NRG2: variants seen among roughly 807,000 people sequenced by gnomAD.
NRG2 encodes the protein neuregulin 2.
Under a neutral mutation model 73.9 loss-of-function variants are expected in NRG2, and 27 were observed. The ratio of observed to expected loss-of-function variants is 0.37; its 90% confidence interval spans 0.27 to 0.50. The LOEUF (loss-of-function observed/expected upper bound fraction) is 0.50, where lower values mean the gene tolerates loss of function less well. Ranked by LOEUF, NRG2 falls within the 20% of genes least tolerant of loss-of-function variation. The pLI, the probability that NRG2 is intolerant of heterozygous loss-of-function variation, is 0.96. For missense variants in NRG2, 1,126 were observed against 1,210.1 expected (o/e 0.93, Z 1.03); for synonymous variants, 532 against 541.0 (o/e 0.98, Z 0.23).
intron 1 of NRG2, among the ~76,000 whole-genome samples, chr5:139,947,734 T>C (rs540332836): frequency 6.6e-6 from 1 of 152,334 alleles, no homozygotes; most frequent in South Asian, 2.1e-4. Flanking sequence ...TCTTTTTTAG[T>C]CTGGCTATCC....
Position 139,876,864 on chromosome 5 carries a change from G to T in NRG2, c.991+3992C>A, listed in dbSNP as rs547284993. On this transcript the variant is annotated intron_variant, in intron 3 of 9. Coordinates refer to ENST00000361474, the MANE Select transcript of NRG2 (RefSeq NM_004883.3). The stretch of plus-strand genomic sequence containing the variant: ...GGGGCCAAGACTGCGACTTCCCAGA[G>T]CTCAGAGCAAGATCTTGTTGAATAA... Among the ~76,000 whole-genome samples the T allele has an allele frequency of 2.0e-5, 3 of 152,048 alleles. No homozygotes were observed. In the South Asian group the frequency reaches 6.2e-4, roughly 32 times the overall value.
intron 1 of NRG2, among the ~76,000 whole-genome samples, chr5:140,019,211 T>C (rs1161252932): frequency 1.3e-5 from 2 of 152,134 alleles, no homozygotes; most frequent in Non-Finnish European, 2.9e-5. Flanking sequence ...CCAAGCAGCA[T>C]TGACCTGAAT....
intron 1 of NRG2, among the ~76,000 whole-genome samples, chr5:139,891,655 A>T (rs1431529181): frequency 1.3e-5 from 2 of 151,436 alleles, no homozygotes. Flanking sequence ...CTGGATAAAG[A>T]CCCTAAGGTG....
chr5:139,904,475 T>C lies in NRG2; in HGVS notation c.701-16964A>G. On this transcript the variant is annotated intron_variant, in intron 1 of 9. Transcript: ENST00000361474. This position sits in a 1 kb window ranked among gnomAD's most constrained non-coding sequence, Gnocchi z 6.0. ...GCGCCCCCGCCGCCTGCAGCCTCAG[T>C]GCCCGAGCGCGGCGCCTTTCTTATA... 1 of 832,050 alleles carries C rather than the reference T, an allele frequency of 1.2e-6. No individual in the cohort carries two copies. Among genetic ancestry groups the C allele is most frequent in the Non-Finnish European group, 1.9e-6 (1 of 538,372 alleles). 51.5% of individuals were successfully genotyped at this position (832,050 alleles called of 1,614,324 possible).
chr5:139,898,453 G>A lies in NRG2; in HGVS notation c.701-10942C>T, dbSNP rs1561664933. Reference sequence around the variant, plus strand: ...GCCTCAGTTTCTCCATCTTTACAGTGAAGGGAGTGAACTATGAGTTCAGAT... The same window carrying A: ...GCCTCAGTTTCTCCATCTTTACAGTAAAGGGAGTGAACTATGAGTTCAGAT... On this transcript the variant is annotated intron_variant, in intron 1 of 9. Transcript: ENST00000361474. Among the ~76,000 whole-genome samples, 4 of 152,216 alleles carry A rather than the reference G, an allele frequency of 2.6e-5. No homozygotes were observed. In the South Asian group the frequency reaches 8.3e-4, roughly 31 times the overall value.
chr5:139,977,361 A>G (rs1756454282), intron 1 of NRG2, among the ~76,000 whole-genome samples: 2 of 152,244 alleles, frequency 1.3e-5, no homozygotes, highest in South Asian at 4.1e-4. Flanking sequence ...AAACAGCCAG[A>G]AAGAATCAAG....
intron 1 of NRG2, among the ~76,000 whole-genome samples, chr5:139,921,129 C>G (rs1215754106): frequency 6.6e-6 from 1 of 152,152 alleles, no homozygotes. Flanking sequence ...ATTCCATGTT[C>G]ATAGACGCAA....
chr5:139,948,077 C>T (rs1207804928), intron 1 of NRG2, among the ~76,000 whole-genome samples: 4 of 152,236 alleles, frequency 2.6e-5, no homozygotes, highest in Admixed American at 6.5e-5. Context: ...ATTTTCTCCT[C>T]CCCCACCCAA....
chr5:139,948,428 A>T (rs1753959260), intron 1 of NRG2, among the ~76,000 whole-genome samples: 1 of 152,114 alleles, frequency 6.6e-6, no homozygotes, highest in Admixed American at 6.5e-5. Flanking sequence ...GGTCCGCTTC[A>T]CATATAATTG....
intron 3 of NRG2, among the ~76,000 whole-genome samples, chr5:139,877,428 C>T (rs946714633): frequency 1.3e-5 from 2 of 152,262 alleles, no homozygotes; most frequent in Non-Finnish European, 2.9e-5. Flanking sequence ...TCCCTGTAGC[C>T]CTGGTTTCCC....
chr5:140,023,981 G>A (rs1430474575), intron 1 of NRG2, among the ~76,000 whole-genome samples: 1 of 152,128 alleles, frequency 6.6e-6, no homozygotes, highest in African/African-American at 2.4e-5. Flanking sequence ...CCAAAAACAG[G>A]AAGGCGCAGG....
intron 1 of NRG2, among the ~76,000 whole-genome samples, chr5:140,002,558 T>C (rs1270716179): frequency 6.6e-6 from 1 of 151,754 alleles, no homozygotes; most frequent in Non-Finnish European, 1.5e-5. Context: ...GTTCAGAAAA[T>C]AACAGTAAGG....
intron 1 of NRG2, among the ~76,000 whole-genome samples, chr5:139,924,990 G>A (rs779510310): frequency 3.0e-4 from 46 of 152,146 alleles, no homozygotes; most frequent in Non-Finnish European, 4.0e-4. Context: ...GGGCCGGCCC[G>A]AGTCTCAGGA....
intron 1 of NRG2, 76 bp downstream of exon 1, chr5:140,042,280 CGGGCACCTGCAGCA>C: frequency 4.8e-6 from 4 of 839,630 alleles, no homozygotes; most frequent in African/African-American, 1.8e-5. Context: ...CTGCCAGGCC[CGGGCACCTGCAGCA>C]CCTCCCCGCC....
At chr5:139,905,631 G>A (rs35569540) in intron 1 of NRG2, among the ~76,000 whole-genome samples, 27,231 of 150,714 alleles carry the variant, frequency 0.18, 2,521 homozygotes, top group Middle Eastern at 0.28. Flanking sequence ...TGATGGCCCC[G>A]CAAAGGGCTG....
intron 5 of NRG2, 44 bp from the exon 6 acceptor site, chr5:139,855,822 C>T (rs1283945845): frequency 4.0e-6 from 6 of 1,484,110 alleles, no homozygotes; most frequent in Non-Finnish European, 5.6e-6. Context: ...AGGAGGCAAA[C>T]CCCATAGGGA....
chr5:139,929,352 C>A lies in NRG2; in HGVS notation c.701-41841G>T, dbSNP rs566487517. On this transcript the variant is annotated intron_variant, in intron 1 of 9. Coordinates refer to ENST00000361474, the MANE Select transcript of NRG2 (RefSeq NM_004883.3). ...GTTGCTTCCCTCCAATGACATTAAG[C>A]GTGTTATACCTTCTACTACAATGAA... 1.3e-3 allele frequency among the ~76,000 whole-genome samples: 204 copies of A among 152,322 alleles called. 1 individual carries two copies. Among genetic ancestry groups the A allele is most frequent in the Middle Eastern group, 6.8e-3 (2 of 294 alleles).
Position 139,847,802 on chromosome 5 carries a change from T to G in NRG2, c.*115A>C. 1.4e-6 allele frequency: 1 copy of G among 729,316 alleles called. No individual in the cohort carries two copies. The highest frequency in any genetic ancestry group is 1.9e-6 in the Non-Finnish European group (1 of 519,506). 45.2% of individuals were successfully genotyped at this position (729,316 alleles called of 1,614,324 possible). A position where few individuals can be genotyped will look rare whatever the true frequency, so the allele number is the denominator to read the frequency against. On this transcript the variant is annotated 3_prime_UTR_variant, in exon 10 of 10. Transcript: ENST00000361474. ...AACATTTTGTTATACTTTTTTCCTT[T>G]TATAGAAAATAAAAATATTTTTATT...
intron 1 of NRG2, among the ~76,000 whole-genome samples, chr5:139,968,368 G>A (rs1241084695): frequency 6.6e-6 from 1 of 152,340 alleles, no homozygotes; most frequent in Middle Eastern, 3.4e-3. Context: ...CCAGAACCCG[G>A]AGCCTCAAGG....
Sources: allele counts gnomAD v4.1 joint callset (sites outside exome capture counted in the v4.1 genomes callset), GRCh38; gene constraint gnomAD v4.1.1; non-coding constraint Gnocchi (gnomAD v3.1); transcripts MANE v1.5; gene names NCBI Gene and HGNC (gene_info 2026-07-23, HGNC 2026-07-21).